Variants in THSD4 observed in about 807,000 individuals in gnomAD.
The protein encoded by THSD4 is thrombospondin type 1 domain containing 4.
In THSD4, 69 loss-of-function variants were observed where a neutral mutation model predicts 119.0. The observed-to-expected ratio is 0.58, with a 90% CI of 0.48 to 0.71. The LOEUF is 0.71. Among genes scored for constraint, THSD4 ranks in the 30% least tolerant of loss-of-function variants. The probability of loss-of-function intolerance (pLI) is 0.00; values close to 1 mark genes in which losing one functional copy is unlikely to be tolerated. For synonymous variants in THSD4, 524 were observed against 540.4 expected, an observed-to-expected ratio of 0.97 and a Z score of 0.42; for missense variants, 1,393 against 1,391.1, an observed-to-expected ratio of 1.00 and a Z score of -0.02.
chr15:71,532,283 A>AGAGAGTGTGTGTGTGT (rs1379506089), intron 7 of THSD4, among the ~76,000 whole-genome samples: 6 of 101,646 alleles, frequency 5.9e-5, no homozygotes, highest in African/African-American at 1.0e-4. Flanking sequence ...AGAGAGAGAG[A>AGAGAGTGTGTGTGTGT]GTGTGTGTGT....
At chr15:71,120,574 G>C (rs1243187852) in intron 1 of THSD4, among the ~76,000 whole-genome samples, 1 of 152,226 alleles carries the variant, frequency 6.6e-6, no homozygotes, top group African/African-American at 2.4e-5. Context: ...CATGTGGCCT[G>C]CTCCACCCTC....
intron 7 of THSD4, among the ~76,000 whole-genome samples, chr15:71,607,493 A>G (rs552206174): frequency 2.6e-5 from 4 of 152,196 alleles, no homozygotes; most frequent in African/African-American, 7.2e-5. Flanking sequence ...TCCACACTTG[A>G]AGTAGTTCCC....
At chr15:71,732,018 C>G (rs1395508301) in intron 10 of THSD4, 1 of 152,312 alleles carries the variant, frequency 6.6e-6, no homozygotes, top group East Asian at 1.9e-4. Flanking sequence ...TCAAATCTCT[C>G]TCTGACCCTG....
intron 7 of THSD4, among the ~76,000 whole-genome samples, chr15:71,628,680 G>T (rs12437451): frequency 0.076 from 11,637 of 152,234 alleles, 1,142 homozygotes; most frequent in East Asian, 0.5. Context: ...CGTAACAAGG[G>T]TGTCAATACA....
chr15:71,463,601 T>G (rs1184145886), intron 7 of THSD4, among the ~76,000 whole-genome samples: 1 of 152,216 alleles, frequency 6.6e-6, no homozygotes, highest in Non-Finnish European at 1.5e-5. Flanking sequence ...AGCTGGGAAC[T>G]GTTTTGTCCT....
intron 6 of THSD4, among the ~76,000 whole-genome samples, chr15:71,359,851 A>G (rs2045868873): frequency 2.0e-5 from 2 of 99,204 alleles, no homozygotes; most frequent in South Asian, 6.9e-4. Context: ...CAAGCAAACA[A>G]AAAAAACAGA....
intron 8 of THSD4, among the ~76,000 whole-genome samples, chr15:71,696,876 G>T (rs559923024): frequency 6.6e-6 from 1 of 152,128 alleles, no homozygotes; most frequent in Admixed American, 6.5e-5. Context: ...AGGCCTATAG[G>T]TGATCTAAAA....
chr15:71,132,084 T>C (rs1311158822), intron 1 of THSD4, among the ~76,000 whole-genome samples: 2 of 152,224 alleles, frequency 1.3e-5, no homozygotes, highest in Non-Finnish European at 2.9e-5. Context: ...TTAGGAGAGA[T>C]TGCAATCATA....
At chr15:71,731,303 G>A in intron 10 of THSD4, 86 bp downstream of exon 10, 1 of 1,314,366 alleles carries the variant, frequency 7.6e-7, no homozygotes, top group Non-Finnish European at 1.1e-6. Context: ...TCCACCCTCT[G>A]TCTCTCGGTC....
At chr15:71,165,784 G>A (rs1349291486) in intron 3 of THSD4, among the ~76,000 whole-genome samples, 2 of 152,132 alleles carry the variant, frequency 1.3e-5, no homozygotes, top group African/African-American at 4.8e-5. Context: ...CTAAGCATGT[G>A]TGGGTGTGGT....
At chr15:71,530,343 A>G (rs1595861508) in intron 7 of THSD4, among the ~76,000 whole-genome samples, 1 of 152,090 alleles carries the variant, frequency 6.6e-6, no homozygotes. Flanking sequence ...GTGCTGCCAC[A>G]CTTCTTGCCA....
At chr15:71,595,865 G>T (rs2049898524) in intron 7 of THSD4, among the ~76,000 whole-genome samples, 2 of 152,192 alleles carry the variant, frequency 1.3e-5, no homozygotes, top group East Asian at 1.9e-4. Flanking sequence ...CTTGCCCAAG[G>T]TCTGCGAAAG....
intron 7 of THSD4, among the ~76,000 whole-genome samples, chr15:71,626,848 C>T (rs1259034961): frequency 6.6e-6 from 1 of 152,158 alleles, no homozygotes. Context: ...CAAGGACATA[C>T]TATGTCATTA....
At chr15:71,115,367 G>T (rs1442965017), upstream of THSD4, 1 of 152,298 alleles carries the variant, frequency 6.6e-6, no homozygotes, top group Non-Finnish European at 1.5e-5. The surrounding 1 kb of genome is among the most constrained non-coding windows in gnomAD (Gnocchi z 4.4). Flanking sequence ...GGCCCTTCCC[G>T]CGGTCGCCGC....
intron 6 of THSD4, among the ~76,000 whole-genome samples, chr15:71,317,435 A>G (rs1305804026): frequency 6.6e-6 from 1 of 152,228 alleles, no homozygotes; most frequent in Admixed American, 6.5e-5. Context: ...CATGTCTTAC[A>G]TGGTGGCAGG....
upstream of THSD4, chr15:71,112,033 C>T: frequency 6.8e-7 from 1 of 1,476,318 alleles, no homozygotes; most frequent in Non-Finnish European, 9.2e-7. Flanking sequence ...TCCTGCATTG[C>T]CTTCCTGTAA....
chr15:71,458,076 CTTA>C (rs750668663), intron 7 of THSD4, among the ~76,000 whole-genome samples: 42 of 152,262 alleles, frequency 2.8e-4, no homozygotes, highest in Non-Finnish European at 5.9e-4. Flanking sequence ...AAAATATAAT[CTTA>C]TTATAATCTA....
At chr15:71,104,591 G>T (rs2040266597) in intron 1 of THSD4, among the ~76,000 whole-genome samples, 1 of 152,190 alleles carries the variant, frequency 6.6e-6, no homozygotes, top group South Asian at 2.1e-4. Flanking sequence ...AGTCTCAATA[G>T]GTCCTGAGAA....
chr15:71,519,489 G>A (rs1595851140), intron 7 of THSD4, among the ~76,000 whole-genome samples: 1 of 152,186 alleles, frequency 6.6e-6, no homozygotes, highest in Admixed American at 6.5e-5. Flanking sequence ...AGCCTCCCAA[G>A]TAGCTGGGAT....
Sources: allele counts gnomAD v4.1 joint callset (sites outside exome capture counted in the v4.1 genomes callset), GRCh38; gene constraint gnomAD v4.1.1; non-coding constraint Gnocchi (gnomAD v3.1); transcripts MANE v1.5; gene names NCBI Gene and HGNC (gene_info 2026-07-23, HGNC 2026-07-21).